GABRA3: variants seen among roughly 807,000 people sequenced by gnomAD.
The protein encoded by GABRA3 is gamma-aminobutyric acid type A receptor subunit alpha3.
A neutral mutation model predicts 30.1 loss-of-function variants in GABRA3; 10 were observed. The ratio of observed to expected loss-of-function variants is 0.33; its 90% confidence interval spans 0.20 to 0.56. The LOEUF is 0.56. GABRA3 is among the 20% of genes least tolerant of loss of function. The pLI, the probability that GABRA3 is intolerant of heterozygous loss-of-function variation, is 0.89. For missense variants in GABRA3, 233 were observed against 392.0 expected, an observed-to-expected ratio of 0.59 and a Z score of 3.42; for synonymous variants, 151 against 146.8, an observed-to-expected ratio of 1.03 and a Z score of -0.21.
intron 4 of GABRA3, among the ~76,000 whole-genome samples, chrX:152,266,013 A>G (rs1372701829): frequency 2.7e-5 from 3 of 111,330 alleles, no homozygotes; most frequent in Admixed American, 9.5e-5. Flanking sequence ...AGTAAAGAAA[A>G]GCCTGGGACC....
chrX:152,182,712 AC>A (rs1349700366), intron 9 of GABRA3, among the ~76,000 whole-genome samples: 13 of 21,190 alleles, frequency 6.1e-4, no homozygotes, highest in East Asian at 3.3e-3. Context: ...GTGTATATAT[AC>A]ATATATAGGT....
intron 3 of GABRA3, among the ~76,000 whole-genome samples, chrX:152,334,768 TTATTCAAGAAAAAATG>T (rs1940209827): frequency 9.1e-6 from 1 of 109,410 alleles, no homozygotes; most frequent in South Asian, 3.9e-4. Context: ...CAAAAAAAAA[TTATTCAAGAAAAAATG>T]TATTCAAGAA....
At chrX:152,382,729 T>A (rs1187210179) in intron 1 of GABRA3, among the ~76,000 whole-genome samples, 2 of 111,739 alleles carry the variant, frequency 1.8e-5, no homozygotes, top group Non-Finnish European at 3.8e-5. Flanking sequence ...TTTCATTCTT[T>A]GGCATGTGTA....
intron 5 of GABRA3, among the ~76,000 whole-genome samples, chrX:152,227,540 A>T (rs1277833904): frequency 9.4e-6 from 1 of 105,978 alleles, no homozygotes; most frequent in Admixed American, 1.0e-4. Flanking sequence ...AATGATAATA[A>T]ATATATATAT....
chrX:152,216,695 A>G (rs748717352), intron 6 of GABRA3, among the ~76,000 whole-genome samples: 1 of 109,741 alleles, frequency 9.1e-6, no homozygotes, highest in African/African-American at 3.3e-5. Context: ...AGATTGATTA[A>G]TGGGTACAAG....
intron 4 of GABRA3, 38 bp from the exon 5 acceptor site, chrX:152,256,036 G>GCCCTTACCAGAACTCAAC: frequency 9.7e-7 from 1 of 1,028,418 alleles, no homozygotes; most frequent in Non-Finnish European, 1.4e-6. Flanking sequence ...TTTCAGTTGA[G>GCCCTTACCAGAACTCAAC]TTCTGGTAAG....
intron 5 of GABRA3, among the ~76,000 whole-genome samples, chrX:152,227,369 C>T (rs1178356821): frequency 3.1e-4 from 20 of 65,438 alleles, no homozygotes; most frequent in Non-Finnish European, 3.9e-4. Context: ...ACATCACACT[C>T]TGGGGACTGT....
At chrX:152,201,539 T>A (rs1420384838) in intron 7 of GABRA3, among the ~76,000 whole-genome samples, 1 of 112,163 alleles carries the variant, frequency 8.9e-6, no homozygotes, top group Admixed American at 9.5e-5. Context: ...TTTCTTATTA[T>A]GAAGGATGGC....
chrX:152,211,887 C>G (rs1252971960), intron 6 of GABRA3, among the ~76,000 whole-genome samples: 1 of 111,026 alleles, frequency 9.0e-6, no homozygotes, highest in Non-Finnish European at 1.9e-5. Context: ...AGCAAAAGAA[C>G]AACATAGCCA....
intron 2 of GABRA3, 55 bp from the exon 3 acceptor site, chrX:152,345,757 T>A (rs932210707): frequency 2.9e-6 from 3 of 1,047,381 alleles, no homozygotes; most frequent in African/African-American, 3.8e-5. Context: ...GGAAAAAAAA[T>A]ACATGACTAG....
chrX:152,239,384 T>C (rs1938304993), intron 5 of GABRA3, among the ~76,000 whole-genome samples: 1 of 105,049 alleles, frequency 9.5e-6, no homozygotes, highest in Admixed American at 1.1e-4. Flanking sequence ...TCTGTTCTTT[T>C]ACATTTGCTG....
At chrX:152,268,955 A>G (rs1485052070) in intron 4 of GABRA3, among the ~76,000 whole-genome samples, 9 of 112,291 alleles carry the variant, frequency 8.0e-5, no homozygotes, top group African/African-American at 2.6e-4. Context: ...GTAGCTTAAA[A>G]TGTTCATCTT....
intron 3 of GABRA3, among the ~76,000 whole-genome samples, chrX:152,300,194 T>C (rs1939605988): frequency 8.9e-6 from 1 of 112,476 alleles, no homozygotes; most frequent in African/African-American, 3.2e-5. Flanking sequence ...ATGGTACAGA[T>C]ACAAGGCTGC....
intron 5 of GABRA3, among the ~76,000 whole-genome samples, chrX:152,247,388 G>C (rs1464278591): frequency 4.5e-5 from 5 of 110,994 alleles, no homozygotes; most frequent in Non-Finnish European, 9.5e-5. Context: ...AGCTTGTCGT[G>C]TCCACTTCAG....
chrX:152,180,391 G>C (rs1937130060), intron 9 of GABRA3, among the ~76,000 whole-genome samples: 1 of 111,779 alleles, frequency 8.9e-6, no homozygotes. Context: ...TTTTTAAATT[G>C]GGTTGTTTTC....
chrX:152,244,541 T>A (rs1211268471), intron 5 of GABRA3, among the ~76,000 whole-genome samples: 2 of 111,816 alleles, frequency 1.8e-5, no homozygotes, highest in East Asian at 5.6e-4. Context: ...AGCCTTGATC[T>A]TGGCCTTCCT....
intron 2 of GABRA3, among the ~76,000 whole-genome samples, chrX:152,358,849 T>C (rs1159012482): frequency 4.5e-5 from 5 of 112,190 alleles, no homozygotes; most frequent in Non-Finnish European, 7.5e-5. Context: ...GTTCTACTTA[T>C]GTGGTGAATC....
At position 152,222,872 on chromosome X, in the gene GABRA3, T is replaced by C. The variant is rs970102969; in HGVS notation, c.634+1891A>G. Among the ~76,000 whole-genome samples, 3 of 110,814 alleles carry C rather than the reference T, an allele frequency of 2.7e-5. No individual in the cohort carries two copies. The South Asian group carries it at 1.1e-3, about 42-fold the overall frequency. ...AGTAGTCTAGCATGTCTTTTTTTTT[T>C]TTAGTACTGGAAGACTGCAGAAAAG... On this transcript the variant is annotated intron_variant, in intron 6 of 9. Transcript: ENST00000370314.
intron 1 of GABRA3, among the ~76,000 whole-genome samples, chrX:152,423,700 G>A (rs1930436242): frequency 1.8e-5 from 2 of 111,220 alleles, no homozygotes; most frequent in African/African-American, 6.5e-5. Context: ...ACAGACTAGG[G>A]TTTAGAAGAA....
Sources: gnomAD v4.1 joint callset for allele counts (sites outside exome capture counted in the v4.1 genomes callset) on GRCh38, gnomAD v4.1.1 for gene constraint, MANE v1.5 for transcripts, NCBI Gene and HGNC (gene_info 2026-07-23, HGNC 2026-07-21) for gene names.